Variants in CSF2RA observed in about 807,000 individuals in gnomAD.
CSF2RA encodes the protein colony stimulating factor 2 receptor subunit alpha, also known as granulocyte-macrophage colony-stimulating factor receptor subunit alpha.
Under a neutral mutation model 51.6 loss-of-function variants are expected in CSF2RA, and 42 were observed. That is an observed-to-expected ratio of 0.81 (90% confidence interval 0.64 to 1.05). The LOEUF (loss-of-function observed/expected upper bound fraction) is 1.05, where lower values mean the gene tolerates loss of function less well. CSF2RA is among the 50% of genes least tolerant of loss of function. The pLI is 0.00. For missense variants in CSF2RA, 530 were observed against 501.1 expected (o/e 1.06, Z -0.55); for synonymous variants, 222 against 193.0 (o/e 1.15, Z -1.24).
At position 1,285,810 on chromosome X, in the gene CSF2RA, A is replaced by G. The variant is rs775556939; in HGVS notation, c.109A>G (p.Asn37Asp). The G allele has an allele frequency of 6.2e-7, 1 of 1,613,552 alleles. No homozygotes were observed. The highest frequency in any genetic ancestry group is 8.5e-7 in the Non-Finnish European group (1 of 1,179,810). The change falls in exon 4 of 13, where the codon AAT (asparagine) becomes GAT (aspartate). Residue 37 changes from asparagine to aspartate, a missense_variant. By Grantham distance (23) the Asn-to-Asp change is conservative. Coordinates refer to ENST00000381529, the MANE Select transcript of CSF2RA (RefSeq NM_172245.4). ...LRTVAPASSL[N>D]VRFDSRTMNL... Reference sequence around the variant, plus strand: ...AACAGTGGCACCAGCCTCTAGTCTCAATGTGAGGTTTGACTCCAGGACGAT... The same window carrying G: ...AACAGTGGCACCAGCCTCTAGTCTCGATGTGAGGTTTGACTCCAGGACGAT...
chrX:1,269,920 C>G (rs2088148896), intron 1 of CSF2RA, among the ~76,000 whole-genome samples: 1 of 152,046 alleles, frequency 6.6e-6, no homozygotes, highest in Non-Finnish European at 1.5e-5. Context: ...TCAGCTTGGC[C>G]AACATGGCAA....
At chrX:1,321,667 C>A in the CSF2RA span, among the ~76,000 whole-genome samples, 5 of 151,922 alleles carry the variant, frequency 3.3e-5, no homozygotes, top group South Asian at 2.1e-4. Context: ...TCTTAAAATG[C>A]GAGCAACGTG....
At chrX:1,283,602 T>C in intron 3 of CSF2RA, among the ~76,000 whole-genome samples, 1 of 151,292 alleles carries the variant, frequency 6.6e-6, no homozygotes, top group African/African-American at 2.4e-5. Flanking sequence ...AGTCTCCCTC[T>C]TGTTGCCCAG....
chrX:1,280,023 C>G (rs1490639417), intron 2 of CSF2RA, among the ~76,000 whole-genome samples: 1 of 151,970 alleles, frequency 6.6e-6, no homozygotes, highest in African/African-American at 2.4e-5. Context: ...CTCCTGACCT[C>G]AGGCGATCCG....
intron 1 of CSF2RA, 37 bp downstream of exon 1, chrX:1,268,916 T>C (rs2087956634): frequency 2.2e-6 from 1 of 453,710 alleles, no homozygotes; most frequent in African/African-American, 2.0e-5. Context: ...TCTTTGAGCA[T>C]GTCGAGTCAC....
intron 3 of CSF2RA, among the ~76,000 whole-genome samples, chrX:1,285,000 T>C (rs1381839061): frequency 1.3e-5 from 2 of 151,864 alleles, no homozygotes; most frequent in Non-Finnish European, 1.5e-5. Flanking sequence ...AACATCTCCA[T>C]GTGGAGAAGG....
chrX:1,290,539 G>C, intron 7 of CSF2RA, 30 bp downstream of exon 7: 1 of 1,601,992 alleles, frequency 6.2e-7, no homozygotes, highest in Non-Finnish European at 8.6e-7. Context: ...TTTTCCTATT[G>C]TTTATAGGTG....
intron 9 of CSF2RA, chrX:1,300,188 C>A (rs2092276331): frequency 3.4e-6 from 1 of 296,030 alleles, no homozygotes; most frequent in African/African-American, 2.2e-5. Flanking sequence ...CACTGCACTG[C>A]AGCCTGGGTG....
chrX:1,301,689 T>C (rs1376685176), intron 10 of CSF2RA, among the ~76,000 whole-genome samples: 9 of 142,128 alleles, frequency 6.3e-5, no homozygotes, highest in Admixed American at 2.2e-4. Context: ...CTCCACCTCC[T>C]GGGTTCACGC....
intron 8 of CSF2RA, 58 bp downstream of exon 8, chrX:1,294,519 C>T: frequency 2.5e-6 from 4 of 1,606,938 alleles, no homozygotes; most frequent in Non-Finnish European, 3.4e-6. Context: ...GACACGCCCG[C>T]ACAGGAGCCT....
chrX:1,280,874 T>TCCTC (rs2089848445), intron 2 of CSF2RA, among the ~76,000 whole-genome samples: 4 of 37,938 alleles, frequency 1.1e-4, no homozygotes, highest in African/African-American at 1.2e-4. Flanking sequence ...TCCTCCTCCT[T>TCCTC]CTCCTGCTCC....
the CSF2RA span, among the ~76,000 whole-genome samples, chrX:1,324,615 GGAAA>G: frequency 3.3e-5 from 5 of 151,928 alleles, no homozygotes; most frequent in East Asian, 1.9e-4. Context: ...AAGCAAGAAA[GGAAA>G]GAAAGAAAAA....
chrX:1,314,991 A>ACCTGCCCAACCCCTCTGTG (rs2084507249), downstream of CSF2RA, among the ~76,000 whole-genome samples: 1 of 102,228 alleles, frequency 9.8e-6, no homozygotes, highest in African/African-American at 3.5e-5. Context: ...ATCGCACTGC[A>ACCTGCCCAACCCCTCTGTG]CCTGCCCAAC....
chrX:1,317,766 T>C, the CSF2RA span, among the ~76,000 whole-genome samples: 1 of 151,744 alleles, frequency 6.6e-6, no homozygotes, highest in Non-Finnish European at 1.5e-5. Context: ...GAAATTCTAA[T>C]GGGGCTTGGA....
chrX:1,312,884 C>T (rs1322088280), downstream of CSF2RA, among the ~76,000 whole-genome samples: 1 of 151,958 alleles, frequency 6.6e-6, no homozygotes, highest in African/African-American at 2.4e-5. Flanking sequence ...CCTTTTGATT[C>T]ACAAGTCAAA....
downstream of CSF2RA, among the ~76,000 whole-genome samples, chrX:1,310,593 G>A (rs1370488804): frequency 2.7e-5 from 4 of 150,834 alleles, no homozygotes; most frequent in African/African-American, 4.9e-5. Context: ...GCGTGAACCC[G>A]GGAGGAGGAG....
At chrX:1,300,461 C>G (rs2092294609) in intron 9 of CSF2RA, 30 bp from the exon 10 acceptor site, 1 of 1,613,586 alleles carries the variant, frequency 6.2e-7, no homozygotes, top group Admixed American at 1.7e-5. Flanking sequence ...CAGAAGACGC[C>G]TATCTCTAAC....
downstream of CSF2RA, among the ~76,000 whole-genome samples, chrX:1,314,670 T>C (rs190695249): frequency 4.0e-3 from 2 of 494 alleles, no homozygotes; most frequent in Non-Finnish European, 0.011. Flanking sequence ...TGCACTGCAC[T>C]TGCCCAACCC....
intron 12 of CSF2RA, 58 bp from the exon 13 acceptor site, chrX:1,309,344 A>G (rs1441155970): frequency 4.6e-6 from 7 of 1,525,890 alleles, no homozygotes; most frequent in Non-Finnish European, 6.4e-6. Flanking sequence ...AACACAGCCC[A>G]CTGAGTCCCA....
Sources: gnomAD v4.1 joint callset for allele counts (sites outside exome capture counted in the v4.1 genomes callset) on GRCh38, gnomAD v4.1.1 for gene constraint, MANE v1.5 for transcripts, NCBI Gene and HGNC (gene_info 2026-07-23, HGNC 2026-07-21) for gene names.